PCCA: variants seen among roughly 807,000 people sequenced by gnomAD.
The protein encoded by PCCA is propionyl-CoA carboxylase subunit alpha, also known as propionyl-CoA carboxylase alpha chain, mitochondrial.
A neutral mutation model predicts 101.3 loss-of-function variants in PCCA; 74 were observed. The observed-to-expected ratio is 0.73, with a 90% confidence interval of 0.61 to 0.89. The LOEUF is 0.89. Among genes scored for constraint, PCCA ranks in the 40% least tolerant of loss-of-function variants. The pLI, the probability that PCCA is intolerant of heterozygous loss-of-function variation, is 0.00. For missense variants in PCCA, 891 were observed against 907.0 expected (o/e 0.98, Z 0.23); for synonymous variants, 294 against 313.6 (o/e 0.94, Z 0.66).
In PCCA at chr13:100,370,074, C is replaced by G. The variant is rs368074746; in HGVS notation, c.1746+1500C>G. ...AGATTACTTTTCAGAGCTGTTACTT[C>G]TTTTTTTTTTTTTTTTTTTTTTTTT... On this transcript the variant is annotated intron_variant, in intron 19 of 23. Coordinates refer to ENST00000376285, the MANE Select transcript of PCCA (RefSeq NM_000282.4). Among the ~76,000 whole-genome samples the G allele has an allele frequency of 1.1e-4, 8 of 74,642 alleles. No individual in the cohort carries two copies. In the Admixed American group the frequency reaches 1.8e-3, roughly 16 times the overall value. The allele number at this position is 74,642 out of a possible 152,430, so 49.0% of individuals were successfully genotyped here. A position where few individuals can be genotyped will look rare whatever the true frequency, so the allele number is the denominator to read the frequency against.
At chr13:100,479,436 G>A (rs2083700065) in intron 21 of PCCA, 1 of 152,222 alleles carries the variant, frequency 6.6e-6, no homozygotes. Context: ...ACTGCTAGTA[G>A]CCTACTGCTG....
intron 6 of PCCA, among the ~76,000 whole-genome samples, chr13:100,171,491 C>A (rs1201186632): frequency 6.6e-6 from 1 of 152,208 alleles, no homozygotes; most frequent in East Asian, 1.9e-4. Flanking sequence ...TCCACTTCCA[C>A]ATTCTTTTTT....
chr13:100,162,490 G>T (rs1008242915), intron 6 of PCCA, among the ~76,000 whole-genome samples: 22 of 152,170 alleles, frequency 1.4e-4, no homozygotes, highest in Non-Finnish European at 2.9e-5. Context: ...GCCGTTAGTG[G>T]TATTTGTTTT....
chr13:100,154,063 G>T (rs1358260290), intron 4 of PCCA, among the ~76,000 whole-genome samples: 1 of 151,962 alleles, frequency 6.6e-6, no homozygotes, highest in Non-Finnish European at 1.5e-5. Context: ...TTGGTAGAAG[G>T]TGGGTCATAA....
Position 100,111,861 on chromosome 13 carries a change from T to C in PCCA, c.204T>C (p.Val68=). 2 of 1,609,672 alleles carry C rather than the reference T, an allele frequency of 1.2e-6. No individual in the cohort carries two copies. Among genetic ancestry groups the C allele is most frequent in the South Asian group, 2.2e-5 (2 of 90,888 alleles). Residue 68 remains valine, a synonymous_variant, in exon 3 of 24, where the codon GTT becomes GTC. Coordinates refer to ENST00000376285, the MANE Select transcript of PCCA (RefSeq NM_000282.4). ...PNEKTFDKIL[V]ANRGEIACRV... ...TTCAGACTTTTGATAAAATTCTTGTTGCTAATAGAGGAGAAATTGCATGTC... is the reference window on the plus strand; with the variant it reads ...TTCAGACTTTTGATAAAATTCTTGTCGCTAATAGAGGAGAAATTGCATGTC...
At chr13:100,119,215 T>C (rs2049123047) in intron 4 of PCCA, among the ~76,000 whole-genome samples, 1 of 152,172 alleles carries the variant, frequency 6.6e-6, no homozygotes, top group Non-Finnish European at 1.5e-5. Context: ...CTTTAGTATA[T>C]TTATTTTTAG....
intron 21 of PCCA, among the ~76,000 whole-genome samples, chr13:100,478,696 A>T (rs1001031117): frequency 6.6e-6 from 1 of 152,122 alleles, no homozygotes; most frequent in Non-Finnish European, 1.5e-5. Flanking sequence ...TCACCCTGGG[A>T]GTGACTCCTC....
chr13:100,434,827 C>T (rs756823807), intron 20 of PCCA, among the ~76,000 whole-genome samples: 9 of 152,218 alleles, frequency 5.9e-5, no homozygotes, highest in Non-Finnish European at 8.8e-5. Flanking sequence ...CTCATGAAGT[C>T]GCTTTCACGT....
chr13:100,520,742 T>C (rs1566503202), intron 22 of PCCA, among the ~76,000 whole-genome samples: 2 of 151,798 alleles, frequency 1.3e-5, no homozygotes, highest in Non-Finnish European at 2.9e-5. Flanking sequence ...AAATATCTAT[T>C]AGTACTGGGA....
At chr13:100,250,652 A>G (rs998651070) in intron 8 of PCCA, among the ~76,000 whole-genome samples, 3 of 152,106 alleles carry the variant, frequency 2.0e-5, no homozygotes, top group Admixed American at 6.5e-5. Flanking sequence ...GATATGAATC[A>G]CATTTTGCAT....
At chr13:100,179,159 AAAGTT>A (rs766413375) in intron 6 of PCCA, among the ~76,000 whole-genome samples, 33 of 151,852 alleles carry the variant, frequency 2.2e-4, no homozygotes, top group Non-Finnish European at 3.4e-4. Context: ...ATAGAATAAT[AAAGTT>A]AAGTATTTGT....
chr13:100,232,953 C>T (rs1197740885), intron 7 of PCCA, among the ~76,000 whole-genome samples: 1 of 152,120 alleles, frequency 6.6e-6, no homozygotes, highest in Non-Finnish European at 1.5e-5. Flanking sequence ...ACATATAGAT[C>T]AACTGCATTC....
At position 100,257,578 on chromosome 13, in the gene PCCA, T is replaced by A; in HGVS notation, c.638-17T>A. On this transcript the variant is annotated splice_polypyrimidine_tract_variant and intron_variant, in intron 8 of 23. Coordinates refer to ENST00000376285, the MANE Select transcript of PCCA (RefSeq NM_000282.4). ...GATCAAAGTCTGAACTTCTGTCTAA[T>A]TCTTCCCTGCTGTTAGGCTACCCTG... 6.2e-7 allele frequency: 1 copy of A among 1,600,728 alleles called. No individual in the cohort carries two copies.
At chr13:100,443,832 G>T (rs1311769424) in intron 20 of PCCA, among the ~76,000 whole-genome samples, 2 of 152,114 alleles carry the variant, frequency 1.3e-5, no homozygotes, top group East Asian at 3.9e-4. Flanking sequence ...ATCAGACTTA[G>T]TTCTTCTGTT....
In PCCA at chr13:100,373,229, A is replaced by G. The variant is rs149429222; in HGVS notation, c.1746+4655A>G. Among the ~76,000 whole-genome samples, 775 of 152,316 alleles carry G rather than the reference A, an allele frequency of 5.1e-3. 15 individuals are homozygous for G. The highest frequency in any genetic ancestry group is 0.018 in the African/African-American group (751 of 41,566). ...TTAGAGAAATCCAAATCAAACCTGC[A>G]GTGAGATACTACCTCCCACCCGTTA... On this transcript the variant is annotated intron_variant, in intron 19 of 23. Transcript: ENST00000376285.
At chr13:100,213,069 C>G (rs9585381) in intron 7 of PCCA, among the ~76,000 whole-genome samples, 24,954 of 152,084 alleles carry the variant, frequency 0.16, 2,209 homozygotes, top group African/African-American at 0.2. Flanking sequence ...GACAGGACCT[C>G]ATTCTTTTTG....
intron 19 of PCCA, among the ~76,000 whole-genome samples, chr13:100,411,007 A>G (rs1204245830): frequency 6.6e-6 from 1 of 152,168 alleles, no homozygotes; most frequent in African/African-American, 2.4e-5. Flanking sequence ...CTTTGAAGGG[A>G]GTTGCAAATA....
At chr13:100,315,397 T>TA (rs1021739842) in intron 16 of PCCA, among the ~76,000 whole-genome samples, 6 of 152,164 alleles carry the variant, frequency 3.9e-5, no homozygotes, top group Non-Finnish European at 8.8e-5. Flanking sequence ...ATTTTGAACT[T>TA]ACATATTACT....
chr13:100,395,700 A>G (rs2077012509), intron 19 of PCCA, among the ~76,000 whole-genome samples: 1 of 152,226 alleles, frequency 6.6e-6, no homozygotes, highest in East Asian at 1.9e-4. Flanking sequence ...CCTTTGGTAC[A>G]GTGTTCCATG....
Sources: gnomAD v4.1 joint callset for allele counts (sites outside exome capture counted in the v4.1 genomes callset) on GRCh38, gnomAD v4.1.1 for gene constraint, MANE v1.5 for transcripts, NCBI Gene and HGNC (gene_info 2026-07-23, HGNC 2026-07-21) for gene names.